The following SEC23IP variants were observed in gnomAD, a reference collection of about 807,000 sequenced individuals.
SEC23IP encodes SEC23-interacting protein.
In SEC23IP, 70 loss-of-function variants were observed where a neutral mutation model predicts 113.4. The observed-to-expected ratio is 0.62, with a 90% CI of 0.51 to 0.75. The LOEUF (loss-of-function observed/expected upper bound fraction) is 0.75, where lower values mean the gene tolerates loss of function less well. Ranked by LOEUF, SEC23IP falls within the 30% of genes least tolerant of loss-of-function variation. SEC23IP has a pLI of 0.00. For synonymous variants in SEC23IP, 398 were observed against 421.0 expected, an observed-to-expected ratio of 0.95 and a Z score of 0.67; for missense variants, 1,160 against 1,204.9, an observed-to-expected ratio of 0.96 and a Z score of 0.55.
In SEC23IP at chr10:119,917,975, C is replaced by G; in HGVS notation, c.1684C>G (p.Leu562Val). The change falls in exon 9 of 19, where the codon CTG becomes GTG. Residue 562 changes from leucine to valine, a missense_variant. Transcript: ENST00000369075. ...AAAAGTAGGAATGGAGATAAACCAT[C>G]TGCATGCACTCTTTATGAGTCGGAA... ...VEKVGMEINH[L>V]HALFMSRNPD... The G allele has an allele frequency of 6.2e-7, 1 of 1,614,108 alleles. No individual in the cohort carries two copies. Among genetic ancestry groups the G allele is most frequent in the Non-Finnish European group, 8.5e-7 (1 of 1,179,964 alleles).
At chr10:119,935,575 A>G (rs375957679) in intron 18 of SEC23IP, among the ~76,000 whole-genome samples, 3 of 152,154 alleles carry the variant, frequency 2.0e-5, no homozygotes, top group African/African-American at 7.2e-5. Context: ...CCATCCGTCC[A>G]TTCATCCATC....
At position 119,943,798 on chromosome 10, in the gene SEC23IP, T is replaced by G. The variant is rs1057305176; in HGVS notation, c.*3233T>G. 1 of 152,156 alleles carries G rather than the reference T, an allele frequency of 6.6e-6. No individual in the cohort carries two copies. Among genetic ancestry groups the G allele is most frequent in the Non-Finnish European group, 1.5e-5 (1 of 68,030 alleles). 9.4% of individuals were successfully genotyped at this position (152,156 alleles called of 1,614,324 possible). On this transcript the variant is annotated 3_prime_UTR_variant, in exon 19 of 19. Transcript: ENST00000369075. Reference sequence around the variant, plus strand: ...ATATATGAAATTTTATGATGACACATAAAACAGGCCAGGGGTTATTGAGGA... The same window carrying G: ...ATATATGAAATTTTATGATGACACAGAAAACAGGCCAGGGGTTATTGAGGA...
chr10:119,932,092 C>T lies in SEC23IP; in HGVS notation c.2573-41C>T, dbSNP rs191676794. 5.3e-6 allele frequency: 7 copies of T among 1,321,256 alleles called. No homozygotes were observed. In the East Asian group the frequency reaches 1.6e-4, roughly 31 times the overall value. 81.8% of individuals were successfully genotyped at this position (1,321,256 alleles called of 1,614,324 possible). A position where few individuals can be genotyped will look rare whatever the true frequency, so the allele number is the denominator to read the frequency against. ...AATTTTTGTGAGGCAGAAGTTTACC[C>T]AGTGACTAATTAACTTGTTGTGTCA... On this transcript the variant is annotated intron_variant, in intron 15 of 18. Coordinates refer to ENST00000369075, the MANE Select transcript of SEC23IP (RefSeq NM_007190.4).
chr10:119,905,073 G>A (rs971890781), intron 4 of SEC23IP, among the ~76,000 whole-genome samples: 2 of 152,090 alleles, frequency 1.3e-5, no homozygotes, highest in South Asian at 2.1e-4. Context: ...AGTTGAGGCT[G>A]CAGGGAGCTG....
chr10:119,898,517 A>G lies in SEC23IP; in HGVS notation c.254A>G (p.Gln85Arg), dbSNP rs1554911281. Residue 85 changes from glutamine to arginine, a missense_variant, in exon 2 of 19, where the codon CAG (glutamine) becomes CGG (arginine). Coordinates refer to ENST00000369075, the MANE Select transcript of SEC23IP (RefSeq NM_007190.4). ...SAPQTFSYFSQVSSSSDPFGN... is the reference protein window; with the variant it reads ...SAPQTFSYFSRVSSSSDPFGN... Reference sequence around the variant, plus strand: ...CCACAGACATTTAGTTACTTCTCTCAGGTATCAAGCAGCAGTGATCCTTTT... The same window carrying G: ...CCACAGACATTTAGTTACTTCTCTCGGGTATCAAGCAGCAGTGATCCTTTT... 3 of 1,614,158 alleles carry G rather than the reference A, an allele frequency of 1.9e-6. No homozygotes were observed. Among genetic ancestry groups the G allele is most frequent in the East Asian group, 4.5e-5 (2 of 44,872 alleles).
intron 15 of SEC23IP, among the ~76,000 whole-genome samples, chr10:119,931,800 C>G (rs536169073): frequency 2.6e-5 from 4 of 152,030 alleles, no homozygotes; most frequent in Non-Finnish European, 5.9e-5. Context: ...GATCCACCCA[C>G]GTCGGCCTCC....
At chr10:119,892,967 C>T (rs568199079) in intron 1 of SEC23IP, 22 bp downstream of exon 1, 3 of 1,598,692 alleles carry the variant, frequency 1.9e-6, no homozygotes, top group East Asian at 2.3e-5. Flanking sequence ...AGGGCGGCCC[C>T]GTGTGTGGTG....
intron 18 of SEC23IP, among the ~76,000 whole-genome samples, chr10:119,935,950 T>C (rs1395348490): frequency 6.6e-6 from 1 of 152,232 alleles, no homozygotes; most frequent in African/African-American, 2.4e-5. Context: ...TCTTTTTAGG[T>C]ATTCCATTGA....
At chr10:119,937,004 T>C (rs201898745) in intron 18 of SEC23IP, among the ~76,000 whole-genome samples, 1 of 151,950 alleles carries the variant, frequency 6.6e-6, no homozygotes, top group African/African-American at 2.4e-5. Flanking sequence ...TCTCTTGCCT[T>C]AGCCTCCCGA....
chr10:119,932,044 G>A (rs185961650), intron 15 of SEC23IP, 89 bp from the exon 16 acceptor site: 2 of 806,126 alleles, frequency 2.5e-6, no homozygotes, highest in African/African-American at 3.4e-5. Flanking sequence ...GTCTTATCCT[G>A]TCTGAGAAGA....
intron 1 of SEC23IP, among the ~76,000 whole-genome samples, chr10:119,896,890 A>G (rs754025081): frequency 2.0e-5 from 3 of 152,206 alleles, no homozygotes; most frequent in Non-Finnish European, 4.4e-5. Flanking sequence ...ATATCAGAGA[A>G]GTGGAATGAT....
intron 3 of SEC23IP, 29 bp downstream of exon 3, chr10:119,903,038 C>T (rs1031659701): frequency 1.3e-6 from 2 of 1,534,494 alleles, no homozygotes; most frequent in Non-Finnish European, 1.8e-6. Context: ...TCATTCATAT[C>T]TGATTTTAGG....
intron 1 of SEC23IP, 110 bp downstream of exon 1, chr10:119,893,055 C>A: frequency 1.6e-6 from 2 of 1,250,984 alleles, no homozygotes; most frequent in Non-Finnish European, 1.1e-6. Context: ...CTCTGGATAG[C>A]TTGCCAGGAT....
intron 18 of SEC23IP, among the ~76,000 whole-genome samples, chr10:119,936,386 G>A (rs1244981725): frequency 1.3e-5 from 2 of 151,606 alleles, no homozygotes; most frequent in Non-Finnish European, 2.9e-5. Flanking sequence ...GTGAAACCCC[G>A]TCTCTACTAA....
At chr10:119,922,992 CA>C (rs1335442792) in intron 12 of SEC23IP, among the ~76,000 whole-genome samples, 3 of 112,948 alleles carry the variant, frequency 2.7e-5, no homozygotes, top group Admixed American at 1.0e-4. Context: ...ATCAGTGAAG[CA>C]AAAGCCTATA....
At position 119,929,482 on chromosome 10, in the gene SEC23IP, C is replaced by T; in HGVS notation, c.2314-125C>T. 4.2e-6 allele frequency: 3 copies of T among 713,808 alleles called. No homozygotes were observed. The South Asian group carries it at 5.2e-5, about 12-fold the overall frequency. The allele number at this position is 713,808 out of a possible 1,614,324, so 44.2% of individuals were successfully genotyped here. A position where few individuals can be genotyped will look rare whatever the true frequency, so the allele number is the denominator to read the frequency against. On this transcript the variant is annotated intron_variant, in intron 13 of 18. Coordinates refer to ENST00000369075, the MANE Select transcript of SEC23IP (RefSeq NM_007190.4). ...ATCTCCTGATCTCGTGATCCGCCCACCTTGGCCTCCCAAAGTGCTGGGATT... is the reference window on the plus strand; with the variant it reads ...ATCTCCTGATCTCGTGATCCGCCCATCTTGGCCTCCCAAAGTGCTGGGATT...
At chr10:119,914,370 A>G (rs1424318261) in intron 6 of SEC23IP, 2 of 228,138 alleles carry the variant, frequency 8.8e-6, no homozygotes, top group Non-Finnish European at 1.7e-5. Flanking sequence ...TTGTAAAATA[A>G]ATACTCACAC....
At chr10:119,929,853 G>A in intron 14 of SEC23IP, 91 bp downstream of exon 14, 1 of 779,904 alleles carries the variant, frequency 1.3e-6, no homozygotes, top group Non-Finnish European at 2.0e-6. Flanking sequence ...CTTACTATGT[G>A]GACCACACTG....
chr10:119,893,407 G>C (rs1204460215), intron 1 of SEC23IP, among the ~76,000 whole-genome samples: 1 of 151,412 alleles, frequency 6.6e-6, no homozygotes, highest in Non-Finnish European at 1.5e-5. Flanking sequence ...TTGTGATACA[G>C]TACAATATCT....
Sources: allele counts gnomAD v4.1 joint callset (sites outside exome capture counted in the v4.1 genomes callset), GRCh38; gene constraint gnomAD v4.1.1; transcripts MANE v1.5; gene names NCBI Gene and HGNC (gene_info 2026-07-23, HGNC 2026-07-21).